Variants in FGF1 observed in about 807,000 individuals in gnomAD.
FGF1 encodes the protein beta-endothelial cell growth factor.
In FGF1, 9 loss-of-function variants were observed where a neutral mutation model predicts 13.4. The ratio of observed to expected loss-of-function variants is 0.67; its 90% confidence interval spans 0.40 to 1.17. FGF1 has a LOEUF of 1.17. Among genes scored for constraint, FGF1 ranks in the 50% most tolerant of loss-of-function variants. FGF1 has a pLI of 0.01. For synonymous variants in FGF1, 93 were observed against 79.0 expected, an observed-to-expected ratio of 1.18 and a Z score of -0.94; for missense variants, 156 against 192.7, an observed-to-expected ratio of 0.81 and a Z score of 1.13.
At position 142,618,921 on chromosome 5, in the gene FGF1, G is replaced by GTTTTTTTTTTT. The variant is rs1343286807; in HGVS notation, c.-34-4761_-34-4760insAAAAAAAAAAA. Among the ~76,000 whole-genome samples, 26 of 108,360 alleles carry GTTTTTTTTTTT rather than the reference G, an allele frequency of 2.4e-4. 1 individual carries two copies. The highest frequency in any genetic ancestry group is 8.2e-4 in the African/African-American group (25 of 30,664). The allele number at this position is 108,360 out of a possible 152,430, so 71.1% of individuals were successfully genotyped here. A position where few individuals can be genotyped will look rare whatever the true frequency, so the allele number is the denominator to read the frequency against. The stretch of plus-strand genomic sequence containing the variant: ...GGCAAACACTGACATTTATTTTTTA[G>GTTTTTTTTTTT]TTGTTTTGTTTTTTTTTTTTTTTTT... On this transcript the variant is annotated intron_variant, in intron 1 of 3. Coordinates refer to ENST00000337706, the MANE Select transcript of FGF1 (RefSeq NM_000800.5).
chr5:142,646,920 A>G (rs1467465841), intron 1 of FGF1, among the ~76,000 whole-genome samples: 2 of 152,210 alleles, frequency 1.3e-5, no homozygotes, highest in African/African-American at 4.8e-5. Flanking sequence ...AAAATGTATT[A>G]GGATAAATCA....
upstream of FGF1, chr5:142,686,143 C>T (rs539404727): frequency 6.6e-6 from 1 of 152,286 alleles, no homozygotes; most frequent in African/African-American, 2.4e-5. Flanking sequence ...TGGCCTGCCT[C>T]CAGATACCAT....
At chr5:142,604,094 A>C (rs1390978982) in intron 2 of FGF1, among the ~76,000 whole-genome samples, 1 of 152,226 alleles carries the variant, frequency 6.6e-6, no homozygotes, top group Non-Finnish European at 1.5e-5. Flanking sequence ...GATTCAGGGT[A>C]TCCAGGGCCA....
At chr5:142,628,555 C>T (rs1282576019) in intron 1 of FGF1, among the ~76,000 whole-genome samples, 2 of 152,200 alleles carry the variant, frequency 1.3e-5, no homozygotes, top group Non-Finnish European at 2.9e-5. Context: ...TGTCAGTAAA[C>T]TCATCCGTCA....
intron 3 of FGF1, among the ~76,000 whole-genome samples, chr5:142,597,565 T>G (rs1004791495): frequency 6.6e-6 from 1 of 152,234 alleles, no homozygotes; most frequent in Non-Finnish European, 1.5e-5. Flanking sequence ...GTCAAGATCT[T>G]AGAATATATT....
chr5:142,604,006 A>G (rs913991496), intron 2 of FGF1, among the ~76,000 whole-genome samples: 3 of 152,234 alleles, frequency 2.0e-5, no homozygotes, highest in Non-Finnish European at 4.4e-5. Context: ...GGAAGAAAGC[A>G]TCACAAAGGA....
chr5:142,676,232 C>A (rs1772572193), intron 1 of FGF1, among the ~76,000 whole-genome samples: 1 of 152,186 alleles, frequency 6.6e-6, no homozygotes, highest in Admixed American at 6.5e-5. Context: ...TTCCAAAAAA[C>A]CTTTGCCAGA....
At chr5:142,661,631 A>G (rs1191597494) in intron 1 of FGF1, among the ~76,000 whole-genome samples, 1 of 152,208 alleles carries the variant, frequency 6.6e-6, no homozygotes, top group Non-Finnish European at 1.5e-5. Context: ...ACATTCAACC[A>G]TAAAAAGGAA....
At chr5:142,618,924 G>T (rs471876) in intron 1 of FGF1, among the ~76,000 whole-genome samples, 2,834 of 78,054 alleles carry the variant, frequency 0.036, 233 homozygotes, top group East Asian at 0.15. Context: ...TTTTTTAGTT[G>T]TTTTGTTTTT....
intron 2 of FGF1, among the ~76,000 whole-genome samples, chr5:142,695,016 C>T (rs1752880659): frequency 6.6e-6 from 1 of 152,164 alleles, no homozygotes; most frequent in Non-Finnish European, 1.5e-5. Flanking sequence ...GGAAATTCTA[C>T]TGATAGGTGT....
At chr5:142,645,356 A>G (rs1765848201) in intron 1 of FGF1, among the ~76,000 whole-genome samples, 1 of 152,044 alleles carries the variant, frequency 6.6e-6, no homozygotes, top group Admixed American at 6.6e-5. Context: ...GTGCTGGGAG[A>G]CATCGCATTC....
At chr5:142,615,500 G>A (rs1760044706) in intron 1 of FGF1, among the ~76,000 whole-genome samples, 1 of 152,232 alleles carries the variant, frequency 6.6e-6, no homozygotes, top group Non-Finnish European at 1.5e-5. Flanking sequence ...GGGATTACAG[G>A]CGTAAGCCAC....
chr5:142,609,949 G>A (rs1758687748), intron 2 of FGF1, among the ~76,000 whole-genome samples: 1 of 152,192 alleles, frequency 6.6e-6, no homozygotes, highest in African/African-American at 2.4e-5. Flanking sequence ...CCATAACACA[G>A]ATGTGTTTAT....
chr5:142,656,512 C>T (rs1768200378), intron 1 of FGF1, among the ~76,000 whole-genome samples: 2 of 152,106 alleles, frequency 1.3e-5, no homozygotes, highest in African/African-American at 4.8e-5. Flanking sequence ...TATGTGTAGA[C>T]CCCGTGACTG....
At chr5:142,599,884 A>T (rs527461768) in intron 3 of FGF1, among the ~76,000 whole-genome samples, 1 of 152,342 alleles carries the variant, frequency 6.6e-6, no homozygotes, top group South Asian at 2.1e-4. Context: ...CTAACATGGC[A>T]CTTAGACACA....
intron 2 of FGF1, among the ~76,000 whole-genome samples, chr5:142,694,260 C>A (rs946617512): frequency 2.0e-5 from 3 of 151,660 alleles, no homozygotes; most frequent in African/African-American, 4.8e-5. Flanking sequence ...TGGCCTGGGA[C>A]CTTCTGTGCA....
chr5:142,671,131 A>G (rs1041154539), intron 1 of FGF1, among the ~76,000 whole-genome samples: 1 of 152,234 alleles, frequency 6.6e-6, no homozygotes, highest in Non-Finnish European at 1.5e-5. Context: ...ACAGGCTCTG[A>G]CAGTATTTAG....
intron 1 of FGF1, among the ~76,000 whole-genome samples, chr5:142,633,910 C>T (rs1239760382): frequency 1.3e-5 from 2 of 152,000 alleles, no homozygotes; most frequent in South Asian, 2.1e-4. Flanking sequence ...CTCGGCTGGG[C>T]GTGGTGGCTC....
Position 142,668,144 on chromosome 5 carries a change from G to A in FGF1, c.-35+17813C>T, listed in dbSNP as rs747604136. On this transcript the variant is annotated intron_variant, in intron 1 of 3. Transcript: ENST00000337706. The stretch of plus-strand genomic sequence containing the variant: ...TCCCTTGTTAAATGTCTCCTCCCAG[G>A]CTCAGGCAGAGGCCATGGTAGCTGG... Among the ~76,000 whole-genome samples the A allele has an allele frequency of 3.3e-5, 5 of 152,252 alleles. 1 individual carries two copies. Among genetic ancestry groups the A allele is most frequent in the Admixed American group, 6.5e-5 (1 of 15,288 alleles).
Sources: allele counts gnomAD v4.1 joint callset (sites outside exome capture counted in the v4.1 genomes callset), GRCh38; gene constraint gnomAD v4.1.1; transcripts MANE v1.5; gene names NCBI Gene and HGNC (gene_info 2026-07-23, HGNC 2026-07-21).